ROBO1: variants seen among roughly 807,000 people sequenced by gnomAD.
The protein encoded by ROBO1 is roundabout guidance receptor 1, also known as roundabout homolog 1.
Under a neutral mutation model 195.9 loss-of-function variants are expected in ROBO1, and 149 were observed. The ratio of observed to expected loss-of-function variants is 0.76; its 90% CI spans 0.67 to 0.87. The LOEUF is 0.87. Ranked by LOEUF, ROBO1 falls within the 40% of genes least tolerant of loss-of-function variation. The pLI, the probability that ROBO1 is intolerant of heterozygous loss-of-function variation, is 0.00. For synonymous variants in ROBO1, 816 were observed against 733.2 expected (o/e 1.11, Z -1.82); for missense variants, 1,933 against 2,068.3 (o/e 0.93, Z 1.27).
intron 1 of ROBO1, among the ~76,000 whole-genome samples, chr3:79,741,614 T>C (rs1346679476): frequency 6.6e-6 from 1 of 152,136 alleles, no homozygotes. Context: ...ATGCCATGTG[T>C]TGGGAGTGAG....
intron 1 of ROBO1, among the ~76,000 whole-genome samples, chr3:79,660,040 A>G (rs1448910275): frequency 1.3e-5 from 2 of 151,952 alleles, no homozygotes; most frequent in Non-Finnish European, 2.9e-5. Flanking sequence ...CTGGCAGGAG[A>G]ATTAATCTGA....
intron 2 of ROBO1, among the ~76,000 whole-genome samples, chr3:79,344,931 C>T (rs2035053034): frequency 6.6e-6 from 1 of 151,894 alleles, no homozygotes; most frequent in Non-Finnish European, 1.5e-5. Context: ...CTTTTCTCTC[C>T]TGCTGCCATG....
At chr3:79,288,855 T>C (rs1345816416) in intron 2 of ROBO1, among the ~76,000 whole-genome samples, 1 of 152,142 alleles carries the variant, frequency 6.6e-6, no homozygotes, top group Middle Eastern at 3.2e-3. Context: ...CAAATAAATA[T>C]AATGTGTGTT....
intron 23 of ROBO1, chr3:78,634,541 C>T (rs1445327976): frequency 5.9e-6 from 2 of 341,664 alleles, no homozygotes; most frequent in Non-Finnish European, 1.2e-5. Context: ...ACCAAATCTG[C>T]TTACAAGCAG....
intron 1 of ROBO1, among the ~76,000 whole-genome samples, chr3:79,734,401 A>T (rs1576298322): frequency 6.6e-6 from 1 of 152,322 alleles, no homozygotes; most frequent in Admixed American, 6.5e-5. Flanking sequence ...AAATTCAATT[A>T]TACTATCTGT....
At chr3:79,624,877 C>A (rs1448395318) in intron 1 of ROBO1, among the ~76,000 whole-genome samples, 1 of 152,100 alleles carries the variant, frequency 6.6e-6, no homozygotes. Context: ...ACTCTCAATC[C>A]CAAATCAACA....
intron 4 of ROBO1, among the ~76,000 whole-genome samples, chr3:78,779,301 T>A (rs937867612): frequency 6.6e-6 from 1 of 152,008 alleles, no homozygotes; most frequent in Non-Finnish European, 1.5e-5. Flanking sequence ...AAAGAAACTA[T>A]CATCAGAATG....
At chr3:79,334,734 CA>C (rs111637560) in intron 2 of ROBO1, among the ~76,000 whole-genome samples, 41 of 147,054 alleles carry the variant, frequency 2.8e-4, no homozygotes, top group African/African-American at 8.9e-4. Context: ...TTTTATACCA[CA>C]TTTTTTTTTT....
chr3:79,365,693 C>T (rs960397308), intron 2 of ROBO1, among the ~76,000 whole-genome samples: 3 of 151,942 alleles, frequency 2.0e-5, no homozygotes, highest in Non-Finnish European at 2.9e-5. Flanking sequence ...GTCAGGAGAT[C>T]GAGACCATCC....
chr3:78,686,273 C>A (rs1295594902), intron 9 of ROBO1, among the ~76,000 whole-genome samples: 1 of 151,918 alleles, frequency 6.6e-6, no homozygotes, highest in East Asian at 1.9e-4. Context: ...TATTAAGTAT[C>A]CGGCCGGGCG....
At chr3:79,023,110 C>A (rs1227360537) in intron 3 of ROBO1, among the ~76,000 whole-genome samples, 1 of 151,948 alleles carries the variant, frequency 6.6e-6, no homozygotes, top group African/African-American at 2.4e-5. Context: ...AGAATCAGAC[C>A]GACCCTGGGA....
chr3:79,391,333 C>T (rs1330327315), intron 2 of ROBO1, among the ~76,000 whole-genome samples: 2 of 152,046 alleles, frequency 1.3e-5, no homozygotes, highest in African/African-American at 4.8e-5. Context: ...AAACATAATA[C>T]AAATTCCATG....
intron 3 of ROBO1, among the ~76,000 whole-genome samples, chr3:79,043,198 G>A (rs1420523959): frequency 6.6e-6 from 1 of 152,056 alleles, no homozygotes; most frequent in Non-Finnish European, 1.5e-5. Flanking sequence ...TTGGAGGTTT[G>A]TGGATATTTA....
chr3:79,162,854 A>G (rs2080996196), intron 2 of ROBO1, among the ~76,000 whole-genome samples: 1 of 152,128 alleles, frequency 6.6e-6, no homozygotes, highest in African/African-American at 2.4e-5. Context: ...CATCCTGTGT[A>G]CATCATGAAT....
chr3:79,369,977 T>G (rs2036130510), intron 2 of ROBO1, among the ~76,000 whole-genome samples: 1 of 152,182 alleles, frequency 6.6e-6, no homozygotes, highest in Non-Finnish European at 1.5e-5. Flanking sequence ...ATGCTTAATA[T>G]TTTGAACACA....
chr3:78,906,797 A>T (rs1274908543), intron 4 of ROBO1, among the ~76,000 whole-genome samples: 1 of 152,164 alleles, frequency 6.6e-6, no homozygotes, highest in Non-Finnish European at 1.5e-5. Flanking sequence ...TAAAATAAAA[A>T]TAACTCCATT....
At chr3:79,183,666 G>A (rs2081385908) in intron 2 of ROBO1, among the ~76,000 whole-genome samples, 3 of 152,208 alleles carry the variant, frequency 2.0e-5, no homozygotes, top group Admixed American at 1.3e-4. Flanking sequence ...GATAGGACAA[G>A]AAAGGACCTG....
At chr3:79,036,303 T>G (rs1198092928) in intron 3 of ROBO1, among the ~76,000 whole-genome samples, 1 of 152,166 alleles carries the variant, frequency 6.6e-6, no homozygotes, top group Non-Finnish European at 1.5e-5. Flanking sequence ...TTTGGATGAA[T>G]TTTGCCTTAA....
intron 16 of ROBO1, 68 bp downstream of exon 16, chr3:78,660,962 A>C: frequency 9.5e-7 from 1 of 1,047,210 alleles, no homozygotes; most frequent in Non-Finnish European, 1.4e-6. Flanking sequence ...TAACAATTTA[A>C]ATTAAGCTAA....
Sources: allele counts gnomAD v4.1 joint callset (sites outside exome capture counted in the v4.1 genomes callset), GRCh38; gene constraint gnomAD v4.1.1; transcripts MANE v1.5; gene names NCBI Gene and HGNC (gene_info 2026-07-23, HGNC 2026-07-21).